TRAF5: variants seen among roughly 807,000 people sequenced by gnomAD.
TRAF5 encodes the protein TNF receptor associated factor 5.
In TRAF5, 48 loss-of-function variants were observed where a neutral mutation model predicts 64.5. The observed-to-expected ratio is 0.74, with a 90% CI of 0.59 to 0.95. The LOEUF (loss-of-function observed/expected upper bound fraction) is 0.95, where lower values mean the gene tolerates loss of function less well. Ranked by LOEUF, TRAF5 falls within the 40% of genes least tolerant of loss-of-function variation. TRAF5 has a pLI of 0.00. For missense variants in TRAF5, 545 were observed against 662.8 expected (o/e 0.82, Z 1.95); for synonymous variants, 206 against 240.5 (o/e 0.86, Z 1.33).
At chr1:211,358,307 C>T (rs1703035918) in intron 4 of TRAF5, 1 of 152,014 alleles carries the variant, frequency 6.6e-6, no homozygotes, top group Non-Finnish European at 1.5e-5. Context: ...AAAACCCTGT[C>T]TTTACTAATA....
At position 211,373,731 on chromosome 1, in the gene TRAF5, A is replaced by G. The variant is rs2102779912; in HGVS notation, c.*1029A>G. 6.6e-6 allele frequency: 1 copy of G among 152,242 alleles called. No homozygotes were observed. The highest frequency in any genetic ancestry group is 2.4e-5 in the African/African-American group (1 of 41,536). The allele number at this position is 152,242 out of a possible 1,614,324, so 9.4% of individuals were successfully genotyped here. On this transcript the variant is annotated 3_prime_UTR_variant, in exon 11 of 11. Transcript: ENST00000261464. Reference sequence around the variant, plus strand: ...ACTGATGGCTAAAACAGTATCTACTATTCTCTGATAACTTTTTTTTTGAGA... The same window carrying G: ...ACTGATGGCTAAAACAGTATCTACTGTTCTCTGATAACTTTTTTTTTGAGA...
intron 1 of TRAF5, among the ~76,000 whole-genome samples, chr1:211,334,732 G>T (rs1396249766): frequency 6.6e-6 from 1 of 152,230 alleles, no homozygotes; most frequent in African/African-American, 2.4e-5. Context: ...GCTCTTAGCA[G>T]TTCAGGTGGT....
In TRAF5 at chr1:211,360,693, C is replaced by G. The variant is rs201319358; in HGVS notation, c.544-9C>G. 16 of 1,610,876 alleles carry G rather than the reference C, an allele frequency of 9.9e-6. No homozygotes were observed. The highest frequency in any genetic ancestry group is 1.3e-5 in the Non-Finnish European group (15 of 1,177,224). ...AACCCTTTGTTTTATTGCACTTTCT[C>G]TATTTCAGAATCATGAGGAAAACTT... On this transcript the variant is annotated splice_polypyrimidine_tract_variant and intron_variant, in intron 5 of 10. Coordinates refer to ENST00000261464, the MANE Select transcript of TRAF5 (RefSeq NM_001033910.3).
intron 9 of TRAF5, among the ~76,000 whole-genome samples, chr1:211,370,408 CACA>C (rs1238083656): frequency 5.9e-5 from 9 of 151,680 alleles, no homozygotes; most frequent in Admixed American, 2.0e-4. Context: ...CACACACACA[CACA>C]CCCTTCATAT....
chr1:211,364,386 C>A (rs1347289558), intron 7 of TRAF5, among the ~76,000 whole-genome samples: 1 of 152,150 alleles, frequency 6.6e-6, no homozygotes, highest in Non-Finnish European at 1.5e-5. Flanking sequence ...CTAGCGTTGA[C>A]TTAAAACTGA....
intron 9 of TRAF5, among the ~76,000 whole-genome samples, chr1:211,370,420 A>G (rs1703485455): frequency 6.6e-6 from 1 of 151,968 alleles, no homozygotes; most frequent in Admixed American, 6.6e-5. Flanking sequence ...CACCCTTCAT[A>G]TACATACAAT....
rs1171598916 is a variant in TRAF5, at chr1:211,369,479, C to T, written c.817C>T (p.Gln273Ter). Residue 273 changes from glutamine (Q) to a stop codon, truncating the protein, a stop_gained, in exon 9 of 11, where the codon CAG (glutamine) becomes TAG (stop). Coordinates refer to ENST00000261464, the MANE Select transcript of TRAF5 (RefSeq NM_001033910.3). LOFTEE classifies it high-confidence loss of function. ...TTCTGACTTACACAAGAGCCTAGAA[C>T]AGAAAGAAAGTAAAATCCAGCAGCT... ...QISDLHKSLE[Q>*]KESKIQQLAE... is the part of the protein sequence containing the mutation. 1 of 1,608,200 alleles carries T rather than the reference C, an allele frequency of 6.2e-7. No individual in the cohort carries two copies. Among genetic ancestry groups the T allele is most frequent in the Admixed American group, 1.7e-5 (1 of 58,788 alleles).
intron 1 of TRAF5, among the ~76,000 whole-genome samples, chr1:211,335,108 C>A (rs766186173): frequency 6.6e-6 from 1 of 152,132 alleles, no homozygotes; most frequent in Non-Finnish European, 1.5e-5. Context: ...TCCTTCCATC[C>A]CCCATAATCG....
At chr1:211,353,200 G>A (rs778690168) in intron 1 of TRAF5, 39 bp from the exon 2 acceptor site, 3 of 1,583,788 alleles carry the variant, frequency 1.9e-6, no homozygotes, top group African/African-American at 2.7e-5. Context: ...TTCAGTGTTT[G>A]CACACTTAAT....
chr1:211,374,291 A>G lies in TRAF5; in HGVS notation c.*1589A>G, dbSNP rs1703625338. The G allele has an allele frequency of 6.5e-6, 1 of 152,882 alleles. No individual in the cohort carries two copies. 9.5% of individuals were successfully genotyped at this position (152,882 alleles called of 1,614,324 possible). A position where few individuals can be genotyped will look rare whatever the true frequency, so the allele number is the denominator to read the frequency against. ...TTGTTATGCCACTTCCCTACTGCTC[A>G]TATGCACGCTGGCTCCCCTGGGCAC... On this transcript the variant is annotated 3_prime_UTR_variant, in exon 11 of 11. Coordinates refer to ENST00000261464, the MANE Select transcript of TRAF5 (RefSeq NM_001033910.3).
chr1:211,330,369 C>CTT (rs60881478), intron 1 of TRAF5, among the ~76,000 whole-genome samples: 7 of 144,340 alleles, frequency 4.8e-5, no homozygotes, highest in African/African-American at 1.3e-4. Flanking sequence ...TTTTCCATGG[C>CTT]TTTTTTTTTT....
At chr1:211,338,371 T>C (rs142892051) in intron 1 of TRAF5, among the ~76,000 whole-genome samples, 125 of 152,288 alleles carry the variant, frequency 8.2e-4, no homozygotes, top group African/African-American at 2.9e-3. Flanking sequence ...TTTGTGCATA[T>C]GCATACGCAT....
At chr1:211,365,315 C>T (rs1703314737) in intron 7 of TRAF5, 61 bp from the exon 8 acceptor site, 3 of 1,365,276 alleles carry the variant, frequency 2.2e-6, no homozygotes, top group South Asian at 1.2e-5. Flanking sequence ...GAATATCCTA[C>T]CACCTCTTTC....
chr1:211,347,940 T>G (rs1702662778), intron 1 of TRAF5, among the ~76,000 whole-genome samples: 1 of 152,190 alleles, frequency 6.6e-6, no homozygotes, highest in South Asian at 2.1e-4. Flanking sequence ...ACCACAGAAA[T>G]CGGCAAATGC....
intron 4 of TRAF5, 166 bp from the exon 5 acceptor site, chr1:211,359,746 A>T: frequency 1.5e-6 from 1 of 671,248 alleles, no homozygotes; most frequent in South Asian, 2.2e-5. Context: ...TCCTCAGCAG[A>T]GACAGTGGGC....
At chr1:211,354,160 G>T (rs771470800) in intron 2 of TRAF5, among the ~76,000 whole-genome samples, 1 of 152,202 alleles carries the variant, frequency 6.6e-6, no homozygotes, top group African/African-American at 2.4e-5. Flanking sequence ...AGGACAGGGG[G>T]CATTCAGCTC....
At position 211,344,339 on chromosome 1, in the gene TRAF5, C is replaced by T. The variant is rs535629615; in HGVS notation, c.-1-8900C>T. Among the ~76,000 whole-genome samples, 4 of 152,284 alleles carry T rather than the reference C, an allele frequency of 2.6e-5. No individual in the cohort carries two copies. The South Asian group carries it at 8.3e-4, about 32-fold the overall frequency. On this transcript the variant is annotated intron_variant, in intron 1 of 10. Transcript: ENST00000261464. The stretch of plus-strand genomic sequence containing the variant: ...AAAGTAATTAAAATTATACTCACAT[C>T]ATTGTTTGTCCTGTTCCCAAGACAA...
chr1:211,370,050 A>G (rs148084163), intron 9 of TRAF5, among the ~76,000 whole-genome samples: 2 of 152,340 alleles, frequency 1.3e-5, no homozygotes, highest in Non-Finnish European at 2.9e-5. Flanking sequence ...GGTTTTAATT[A>G]ATGTTGGGCC....
At chr1:211,328,396 A>G (rs1702073495) in intron 1 of TRAF5, among the ~76,000 whole-genome samples, 1 of 152,172 alleles carries the variant, frequency 6.6e-6, no homozygotes, top group South Asian at 2.1e-4. Context: ...AGGCAGGAGA[A>G]AGTGTCTGAG....
Sources: allele counts gnomAD v4.1 joint callset (sites outside exome capture counted in the v4.1 genomes callset), GRCh38; gene constraint gnomAD v4.1.1; transcripts MANE v1.5; gene names NCBI Gene and HGNC (gene_info 2026-07-23, HGNC 2026-07-21).